The following OPHN1 variants were observed in gnomAD, a reference collection of about 807,000 sequenced individuals.
OPHN1 encodes the protein oligophrenin 1, also known as oligophrenin-1.
OPHN1 carries 11 observed loss-of-function variants against 60.7 expected under a neutral mutation model. The observed-to-expected ratio is 0.18, with a 90% CI of 0.11 to 0.30. The LOEUF (loss-of-function observed/expected upper bound fraction) is 0.30, where lower values mean the gene tolerates loss of function less well. Among genes scored for constraint, OPHN1 ranks in the 10% least tolerant of loss-of-function variants. OPHN1 has a pLI of 1.00. For synonymous variants in OPHN1, 226 were observed against 222.6 expected, an observed-to-expected ratio of 1.02 and a Z score of -0.14; for missense variants, 449 against 611.0, an observed-to-expected ratio of 0.73 and a Z score of 2.80.
At chrX:68,332,954 T>C (rs2078302893) in intron 2 of OPHN1, among the ~76,000 whole-genome samples, 1 of 110,661 alleles carries the variant, frequency 9.0e-6, no homozygotes, top group South Asian at 3.8e-4. Flanking sequence ...TTTGTTTCTT[T>C]AGTGCCAAGA....
At chrX:68,271,571 T>A (rs16990580) in intron 5 of OPHN1, among the ~76,000 whole-genome samples, 38,099 of 108,866 alleles carry the variant, frequency 0.35, 8,831 homozygotes, top group African/African-American at 0.85. Flanking sequence ...AATTTAACAC[T>A]CCGGATAGCA....
chrX:68,227,467 C>T (rs1482749095), intron 6 of OPHN1, among the ~76,000 whole-genome samples: 4 of 111,333 alleles, frequency 3.6e-5, no homozygotes. Flanking sequence ...GTTCTCAGCA[C>T]CACATCGCAC....
At chrX:68,429,985 C>A (rs148442969) in intron 2 of OPHN1, among the ~76,000 whole-genome samples, 1 of 109,784 alleles carries the variant, frequency 9.1e-6, no homozygotes, top group African/African-American at 3.3e-5. Context: ...CAGTGAACTG[C>A]GATCATGCCA....
At chrX:68,329,545 G>T (rs2078284574) in intron 2 of OPHN1, among the ~76,000 whole-genome samples, 1 of 112,037 alleles carries the variant, frequency 8.9e-6, no homozygotes, top group Admixed American at 9.5e-5. Flanking sequence ...TTTTCTTAGA[G>T]CATTTCCTCA....
At chrX:68,413,692 G>T (rs1407312846) in intron 2 of OPHN1, among the ~76,000 whole-genome samples, 1 of 111,387 alleles carries the variant, frequency 9.0e-6, no homozygotes, top group Non-Finnish European at 1.9e-5. Flanking sequence ...GATCACTTGA[G>T]CCCAGGAGTT....
chrX:68,299,086 A>G lies in OPHN1; in HGVS notation c.165T>C (p.Ser55=). ...ALISAMRNYS[S]AVQKFSQTLQ... ...GCGTCTGGGAAAATTTCTGAACAGC[A>G]GAAGAATAATCTGCAAAGGAAGGGT... The change falls in exon 3 of 25, where the codon TCT becomes TCC. Residue 55 remains serine (S), a synonymous_variant. Coordinates refer to ENST00000355520, the MANE Select transcript of OPHN1 (RefSeq NM_002547.3). 1 of 1,167,553 alleles carries G rather than the reference A, an allele frequency of 8.6e-7. No homozygotes were observed. Among genetic ancestry groups the G allele is most frequent in the Admixed American group, 2.2e-5 (1 of 45,577 alleles).
intron 15 of OPHN1, among the ~76,000 whole-genome samples, chrX:68,183,046 G>A (rs755074688): frequency 1.8e-5 from 2 of 112,104 alleles, no homozygotes; most frequent in South Asian, 3.7e-4. Flanking sequence ...GAATTTCAGA[G>A]GGACATGGAA....
At chrX:68,372,497 C>T (rs1165147991) in intron 2 of OPHN1, among the ~76,000 whole-genome samples, 1 of 111,432 alleles carries the variant, frequency 9.0e-6, no homozygotes, top group African/African-American at 3.3e-5. Context: ...ACAGTTTCGG[C>T]ATCTGTAAAA....
chrX:68,050,346 A>T (rs1226667438), intron 23 of OPHN1, among the ~76,000 whole-genome samples: 1 of 111,979 alleles, frequency 8.9e-6, no homozygotes, highest in African/African-American at 3.2e-5. Flanking sequence ...GATTAAATCT[A>T]GGTTCTGGAA....
chrX:68,227,235 A>C (rs56096659), intron 6 of OPHN1, among the ~76,000 whole-genome samples: 5,084 of 111,739 alleles, frequency 0.045, 142 homozygotes, highest in Middle Eastern at 0.088. Context: ...CACCCAATAC[A>C]GGAGCACACA....
intron 5 of OPHN1, among the ~76,000 whole-genome samples, chrX:68,266,994 T>C (rs1172582445): frequency 8.9e-6 from 1 of 111,916 alleles, no homozygotes; most frequent in Non-Finnish European, 1.9e-5. Context: ...TAAATATATA[T>C]GCACCCAATA....
intron 2 of OPHN1, among the ~76,000 whole-genome samples, chrX:68,356,182 C>A (rs1362742457): frequency 1.8e-5 from 2 of 111,280 alleles, no homozygotes; most frequent in African/African-American, 3.3e-5. Context: ...ATGTTTATAT[C>A]AGTGGACTTT....
intron 2 of OPHN1, among the ~76,000 whole-genome samples, chrX:68,336,654 G>A (rs1043261221): frequency 2.3e-4 from 20 of 88,322 alleles, no homozygotes; most frequent in Non-Finnish European, 3.4e-4. Flanking sequence ...ATGTGTGTAC[G>A]TGTGTGTGTG....
At chrX:68,150,874 T>C (rs2077282731) in intron 15 of OPHN1, among the ~76,000 whole-genome samples, 1 of 112,265 alleles carries the variant, frequency 8.9e-6, no homozygotes, top group Admixed American at 9.5e-5. Flanking sequence ...TGGAATTCTA[T>C]GTCCATTATT....
At chrX:68,415,167 T>C (rs2078787921) in intron 2 of OPHN1, among the ~76,000 whole-genome samples, 1 of 111,992 alleles carries the variant, frequency 8.9e-6, no homozygotes, top group Non-Finnish European at 1.9e-5. Flanking sequence ...ATTCTGATTC[T>C]CTTTGCCCTA....
At chrX:68,419,286 T>C (rs1035339989) in intron 2 of OPHN1, among the ~76,000 whole-genome samples, 2 of 109,298 alleles carry the variant, frequency 1.8e-5, no homozygotes, top group Non-Finnish European at 3.8e-5. Flanking sequence ...AGTGCTGGGA[T>C]TATGGCCTTT....
At position 68,209,655 on chromosome X, in the gene OPHN1, T is replaced by C. The variant is rs1013303178; in HGVS notation, c.832+498A>G. Among the ~76,000 whole-genome samples the C allele has an allele frequency of 5.4e-5, 6 of 112,131 alleles. No individual in the cohort carries two copies. The Admixed American group carries it at 5.7e-4, about 11-fold the overall frequency. ...TAGGATCATGGGCTTTGGCATTTCATAGACCTGAATTTAATTTTAGTCCTG... is the reference window on the plus strand; with the variant it reads ...TAGGATCATGGGCTTTGGCATTTCACAGACCTGAATTTAATTTTAGTCCTG... On this transcript the variant is annotated intron_variant, in intron 9 of 24. Coordinates refer to ENST00000355520, the MANE Select transcript of OPHN1 (RefSeq NM_002547.3).
chrX:68,194,064 C>T (rs771684053), intron 13 of OPHN1, 112 bp from the exon 14 acceptor site: 1 of 642,724 alleles, frequency 1.6e-6, no homozygotes, highest in African/African-American at 2.2e-5. Flanking sequence ...TTTTTAGTTG[C>T]TCATTTCTAG....
chrX:68,322,514 C>A (rs886313266), intron 2 of OPHN1, among the ~76,000 whole-genome samples: 1 of 111,720 alleles, frequency 9.0e-6, no homozygotes, highest in Non-Finnish European at 1.9e-5. Context: ...TAGCTGGGCA[C>A]GGTGGCTCAT....
Sources: allele counts gnomAD v4.1 joint callset (sites outside exome capture counted in the v4.1 genomes callset), GRCh38; gene constraint gnomAD v4.1.1; transcripts MANE v1.5; gene names NCBI Gene and HGNC (gene_info 2026-07-23, HGNC 2026-07-21).